Variants in PDE11A observed in about 807,000 individuals in gnomAD.
PDE11A encodes the protein dual 3',5'-cyclic-AMP and -GMP phosphodiesterase 11A.
In PDE11A, 100 loss-of-function variants were observed where a neutral mutation model predicts 100.5. That is an observed-to-expected ratio of 1.00 (90% CI 0.85 to 1.18). The LOEUF (loss-of-function observed/expected upper bound fraction) is 1.18. Among genes scored for constraint, PDE11A ranks in the 50% most tolerant of loss-of-function variants. The probability of loss-of-function intolerance (pLI) is 0.00; values close to 1 mark genes in which losing one functional copy is unlikely to be tolerated. For synonymous variants in PDE11A, 381 were observed against 420.8 expected, an observed-to-expected ratio of 0.91 and a Z score of 1.16; for missense variants, 1,141 against 1,152.6, an observed-to-expected ratio of 0.99 and a Z score of 0.15.
intron 6 of PDE11A, among the ~76,000 whole-genome samples, chr2:177,828,088 A>C (rs2083254969): frequency 6.6e-6 from 1 of 152,240 alleles, no homozygotes; most frequent in African/African-American, 2.4e-5. Flanking sequence ...TATAAGATAT[A>C]GTCTAAGATT....
intron 19 of PDE11A, among the ~76,000 whole-genome samples, chr2:177,631,640 CATATATATGTGTGTGTATATATAT>C (rs1559117673): frequency 2.5e-5 from 3 of 121,856 alleles, no homozygotes; most frequent in Admixed American, 8.2e-5. Flanking sequence ...TATATATATA[CATATATATGTGTGTGTATATATAT>C]ACACATATAT....
Position 177,915,131 on chromosome 2 carries a change from CTAT to C in PDE11A, c.1072-9947_1072-9945del, listed in dbSNP as rs544044652. 1.4e-3 allele frequency among the ~76,000 whole-genome samples: 207 copies of C among 152,230 alleles called. 1 individual carries two copies. Among genetic ancestry groups the C allele is most frequent in the Non-Finnish European group, 2.1e-3 (145 of 68,000 alleles). On this transcript the variant is annotated intron_variant, in intron 2 of 19. Coordinates refer to ENST00000286063, the MANE Select transcript of PDE11A (RefSeq NM_016953.4). ...GACCCTGCCCAACACACAGTTTCCC[CTAT>C]TATTAACATCTTACATTAGAGTGGT... is the stretch of plus-strand genomic sequence containing the variant.
At chr2:178,026,109 T>C (rs545547868) in intron 1 of PDE11A, among the ~76,000 whole-genome samples, 37 of 150,202 alleles carry the variant, frequency 2.5e-4, no homozygotes, top group Non-Finnish European at 4.2e-4. Flanking sequence ...CATCAGAACC[T>C]AACACAGACT....
At chr2:177,985,443 G>A (rs1460753535) in intron 2 of PDE11A, among the ~76,000 whole-genome samples, 2 of 152,110 alleles carry the variant, frequency 1.3e-5, no homozygotes, top group African/African-American at 2.4e-5. Context: ...AATTACACAA[G>A]GCAAGGAACA....
At chr2:177,876,276 C>A (rs1217861252) in intron 4 of PDE11A, among the ~76,000 whole-genome samples, 1 of 151,494 alleles carries the variant, frequency 6.6e-6, no homozygotes, top group Admixed American at 6.6e-5. Flanking sequence ...AATAAGAGAC[C>A]CAGGTAGGGA....
chr2:177,932,493 T>C (rs1405828944), intron 2 of PDE11A, among the ~76,000 whole-genome samples: 1 of 152,140 alleles, frequency 6.6e-6, no homozygotes, highest in Non-Finnish European at 1.5e-5. Flanking sequence ...ATTTCTGGGA[T>C]GCAAAATTGG....
At chr2:177,998,622 A>G (rs2086106353) in intron 2 of PDE11A, 2 of 1,293,034 alleles carry the variant, frequency 1.5e-6, no homozygotes, top group African/African-American at 1.5e-5. Flanking sequence ...AAAGAATTTC[A>G]GAATAAATTG....
chr2:177,768,929 G>A (rs561669768), intron 10 of PDE11A, among the ~76,000 whole-genome samples: 1 of 152,306 alleles, frequency 6.6e-6, no homozygotes, highest in African/African-American at 2.4e-5. Flanking sequence ...AGCACTTAGT[G>A]TTAGCTATTA....
chr2:177,781,299 G>A (rs2082450582), intron 9 of PDE11A, among the ~76,000 whole-genome samples: 1 of 152,058 alleles, frequency 6.6e-6, no homozygotes. Context: ...GTGCCCCAAA[G>A]GATTACAATA....
chr2:177,644,087 TG>T (rs1347036773), intron 19 of PDE11A, among the ~76,000 whole-genome samples: 1 of 152,114 alleles, frequency 6.6e-6, no homozygotes, highest in Non-Finnish European at 1.5e-5. Context: ...GGAGGGAATG[TG>T]GGGGGGAGCC....
chr2:177,780,318 T>C (rs1268521083), intron 9 of PDE11A, among the ~76,000 whole-genome samples: 1 of 152,182 alleles, frequency 6.6e-6, no homozygotes, highest in African/African-American at 2.4e-5. Flanking sequence ...AATCCTGACC[T>C]CAAGTGATCC....
At chr2:177,876,101 T>C (rs984429624) in intron 4 of PDE11A, among the ~76,000 whole-genome samples, 178 bp from the exon 5 acceptor site, 3 of 152,228 alleles carry the variant, frequency 2.0e-5, no homozygotes, top group African/African-American at 7.2e-5. Context: ...ACATCTTGTA[T>C]CTTATTTCTT....
At chr2:177,734,272 A>G (rs1040683341) in intron 10 of PDE11A, among the ~76,000 whole-genome samples, 8 of 152,182 alleles carry the variant, frequency 5.3e-5, no homozygotes, top group Non-Finnish European at 8.8e-5. Context: ...TAGCTAACCC[A>G]GAATCAACTC....
intron 2 of PDE11A, among the ~76,000 whole-genome samples, chr2:177,945,618 C>T (rs2085405247): frequency 1.3e-5 from 2 of 151,104 alleles, no homozygotes; most frequent in African/African-American, 4.9e-5. Flanking sequence ...AGCCCCTCCG[C>T]CCGGCAGCCG....
At chr2:177,985,595 A>G (rs2085930572) in intron 2 of PDE11A, among the ~76,000 whole-genome samples, 2 of 152,214 alleles carry the variant, frequency 1.3e-5, no homozygotes, top group South Asian at 2.1e-4. Flanking sequence ...TAATTCTTTA[A>G]TCAGTGGCAT....
chr2:177,832,659 G>T (rs1388651327), intron 6 of PDE11A, among the ~76,000 whole-genome samples: 5 of 151,908 alleles, frequency 3.3e-5, no homozygotes, highest in African/African-American at 1.2e-4. Flanking sequence ...ATAAGATCTT[G>T]GGAGTTGGGC....
At chr2:177,863,340 CA>C (rs77276134) in intron 5 of PDE11A, among the ~76,000 whole-genome samples, 1,719 of 152,000 alleles carry the variant, frequency 0.011, 26 homozygotes, top group East Asian at 0.075. Flanking sequence ...GGGACTACAT[CA>C]AATGAAAAAG....
At chr2:177,742,876 A>G (rs1866208) in intron 10 of PDE11A, among the ~76,000 whole-genome samples, 108,811 of 152,042 alleles carry the variant, frequency 0.72, 40,294 homozygotes, top group East Asian at 0.86. Context: ...TTTAATCCCC[A>G]TCCTGAAAAG....
At chr2:178,081,437 A>T (rs907415674) in intron 2 of PDE11A, among the ~76,000 whole-genome samples, 1 of 152,222 alleles carries the variant, frequency 6.6e-6, no homozygotes, top group African/African-American at 2.4e-5. Context: ...TTCATGCTAT[A>T]CTACAATAAT....
Sources: gnomAD v4.1 joint callset for allele counts (sites outside exome capture counted in the v4.1 genomes callset) on GRCh38, gnomAD v4.1.1 for gene constraint, MANE v1.5 for transcripts, NCBI Gene and HGNC (gene_info 2026-07-23, HGNC 2026-07-21) for gene names.